TFAM: variants seen among roughly 807,000 people sequenced by gnomAD.
The protein encoded by TFAM is transcription factor A, mitochondrial, also known as mitochondrial transcription factor 1.
A neutral mutation model predicts 30.6 loss-of-function variants in TFAM; 13 were observed. The ratio of observed to expected loss-of-function variants is 0.42; its 90% CI spans 0.28 to 0.67. The LOEUF (loss-of-function observed/expected upper bound fraction) is 0.67, where lower values mean the gene tolerates loss of function less well. Among genes scored for constraint, TFAM ranks in the 30% least tolerant of loss-of-function variants. TFAM has a pLI of 0.21. For synonymous variants in TFAM, 106 were observed against 94.8 expected (o/e 1.12, Z -0.69); for missense variants, 231 against 293.7 (o/e 0.79, Z 1.56).
Position 58,390,795 on chromosome 10 carries a change from C to T in TFAM, c.472C>T (p.Pro158Ser). 1 of 1,613,026 alleles carries T rather than the reference C, an allele frequency of 6.2e-7. No individual in the cohort carries two copies. The highest frequency in any genetic ancestry group is 1.1e-5 in the South Asian group (1 of 91,044). Residue 158 changes from proline to serine, a missense_variant, in exon 5 of 7, where the codon CCT becomes TCT. Physicochemically the swap from Pro to Ser is moderately conservative, Grantham distance 74. Coordinates refer to ENST00000487519, the MANE Select transcript of TFAM (RefSeq NM_003201.3). Reference sequence around the variant, plus strand: ...AACACTGCTTGGAAAACCAAAAAGACCTCGTTCAGCTTATAACGTTTATGT... The same window carrying T: ...AACACTGCTTGGAAAACCAAAAAGATCTCGTTCAGCTTATAACGTTTATGT... ...ELTLLGKPKR[P>S]RSAYNVYVAE...
intron 3 of TFAM, 59 bp downstream of exon 3, chr10:58,388,319 C>T: frequency 7.0e-7 from 1 of 1,432,412 alleles, no homozygotes; most frequent in Non-Finnish European, 9.9e-7. Flanking sequence ...GAGCAATTGT[C>T]ATGTCCTTTA....
intron 2 of TFAM, among the ~76,000 whole-genome samples, chr10:58,387,029 C>A (rs114048095): frequency 1.3e-5 from 2 of 151,860 alleles, no homozygotes; most frequent in Admixed American, 1.3e-4. Context: ...TTCGGGAGGT[C>A]GAGATGGGTG....
At chr10:58,388,474 T>G (rs1840532347) in intron 3 of TFAM, among the ~76,000 whole-genome samples, 196 bp from the exon 4 acceptor site, 1 of 152,214 alleles carries the variant, frequency 6.6e-6, no homozygotes, top group South Asian at 2.1e-4. Context: ...GGAAGCTGAT[T>G]ACTAAACTCT....
intron 5 of TFAM, among the ~76,000 whole-genome samples, chr10:58,393,686 A>G (rs548298958): frequency 6.6e-6 from 1 of 152,268 alleles, no homozygotes; most frequent in South Asian, 2.1e-4. Context: ...CAGGAGTTCA[A>G]GACCAGCCCT....
intron 3 of TFAM, 135 bp from the exon 4 acceptor site, chr10:58,388,535 C>A: frequency 2.1e-6 from 2 of 971,008 alleles, no homozygotes; most frequent in Non-Finnish European, 1.6e-6. Flanking sequence ...CCATATACAT[C>A]TCATCCCAGA....
intron 5 of TFAM, among the ~76,000 whole-genome samples, chr10:58,391,606 G>C (rs1320280960): frequency 6.6e-6 from 1 of 151,386 alleles, no homozygotes; most frequent in Non-Finnish European, 1.5e-5. Flanking sequence ...TTTATCTTAT[G>C]CTTTAAGCAT....
intron 5 of TFAM, among the ~76,000 whole-genome samples, chr10:58,392,770 G>T (rs1030406338): frequency 1.3e-5 from 2 of 151,762 alleles, no homozygotes; most frequent in Admixed American, 6.6e-5. Context: ...TGCCTTCCGG[G>T]CTCAAGCAAT....
intron 2 of TFAM, among the ~76,000 whole-genome samples, chr10:58,387,637 A>C (rs1188282888): frequency 6.6e-6 from 1 of 152,166 alleles, no homozygotes; most frequent in African/African-American, 2.4e-5. Context: ...CAGCTTCTTA[A>C]ACTAGTAATC....
chr10:58,394,249 A>G (rs926513539), intron 5 of TFAM, 109 bp from the exon 6 acceptor site: 30 of 817,246 alleles, frequency 3.7e-5, no homozygotes, highest in Non-Finnish European at 6.2e-5. Context: ...TTAAGAATTG[A>G]TGAGGCTTTG....
chr10:58,385,907 GCCT>G (rs532261409), intron 1 of TFAM, among the ~76,000 whole-genome samples: 4 of 152,052 alleles, frequency 2.6e-5, no homozygotes, highest in East Asian at 1.9e-4. Context: ...GATCCTTTCC[GCCT>G]CCTCTGCGAA....
intron 4 of TFAM, among the ~76,000 whole-genome samples, chr10:58,390,467 C>A (rs1015146719): frequency 3.3e-5 from 5 of 152,080 alleles, no homozygotes; most frequent in African/African-American, 1.2e-4. Context: ...GTTGTTTTAT[C>A]TTTTAAAAAG....
chr10:58,386,386 C>T (rs753194007), intron 2 of TFAM, 48 bp downstream of exon 2: 5 of 1,329,114 alleles, frequency 3.8e-6, no homozygotes, highest in African/African-American at 1.4e-5. Flanking sequence ...ATAAAAATGC[C>T]ATTAAGCAGT....
Position 58,397,677 on chromosome 10 carries a change from A to C in TFAM, c.*2603A>C, listed in dbSNP as rs1054468760. ...ATATACCAAATGCCATTCAGCTGTA[A>C]CAGTATACACAGATTTTCTCTTATA... On this transcript the variant is annotated 3_prime_UTR_variant, in exon 7 of 7. Transcript: ENST00000487519. 3 of 152,174 alleles carry C rather than the reference A, an allele frequency of 2.0e-5. No individual in the cohort carries two copies. Among genetic ancestry groups the C allele is most frequent in the Non-Finnish European group, 2.9e-5 (2 of 68,044 alleles). The allele number at this position is 152,174 out of a possible 1,614,324, so 9.4% of individuals were successfully genotyped here. A position where few individuals can be genotyped will look rare whatever the true frequency, so the allele number is the denominator to read the frequency against.
At chr10:58,394,677 C>A (rs370055508) in intron 6 of TFAM, 3 of 632,212 alleles carry the variant, frequency 4.7e-6, no homozygotes, top group African/African-American at 1.8e-5. Flanking sequence ...GCTGCTGCCC[C>A]CTTCCTGCAC....
At chr10:58,394,524 A>G (rs768976867) in intron 6 of TFAM, 110 bp downstream of exon 6, 1 of 946,892 alleles carries the variant, frequency 1.1e-6, no homozygotes, top group East Asian at 2.5e-5. Flanking sequence ...CTAATAATAC[A>G]AGTATTCTAA....
intron 5 of TFAM, among the ~76,000 whole-genome samples, chr10:58,394,128 C>T (rs541656908): frequency 6.6e-6 from 1 of 152,264 alleles, no homozygotes; most frequent in East Asian, 1.9e-4. Flanking sequence ...TATGACAACA[C>T]ATAGATTATA....
chr10:58,387,397 A>C (rs1270968706), intron 2 of TFAM, among the ~76,000 whole-genome samples: 1 of 152,270 alleles, frequency 6.6e-6, no homozygotes, highest in African/African-American at 2.4e-5. Flanking sequence ...AATTAATTGC[A>C]CGCCATCATT....
intron 5 of TFAM, 147 bp downstream of exon 5, chr10:58,391,007 T>C (rs1840582188): frequency 1.4e-6 from 1 of 729,646 alleles, no homozygotes; most frequent in South Asian, 1.8e-5. Flanking sequence ...AAAATCTTTT[T>C]TCTTACCATA....
chr10:58,388,467 A>G (rs1840532239), intron 3 of TFAM, among the ~76,000 whole-genome samples: 1 of 152,246 alleles, frequency 6.6e-6, no homozygotes, highest in Admixed American at 6.5e-5. Flanking sequence ...TGAAAATGGA[A>G]GCTGATTACT....
Sources: allele counts gnomAD v4.1 joint callset (sites outside exome capture counted in the v4.1 genomes callset), GRCh38; gene constraint gnomAD v4.1.1; transcripts MANE v1.5; gene names NCBI Gene and HGNC (gene_info 2026-07-23, HGNC 2026-07-21).